Variants in SPTLC1 observed in about 807,000 individuals in gnomAD.
The protein encoded by SPTLC1 is serine palmitoyltransferase 1.
SPTLC1 carries 55 observed loss-of-function variants against 68.9 expected under a neutral mutation model. The observed-to-expected ratio is 0.80, with a 90% CI of 0.64 to 1.00. The LOEUF is 1.00. Among genes scored for constraint, SPTLC1 ranks in the 50% least tolerant of loss-of-function variants. The pLI is 0.00. For missense variants in SPTLC1, 449 were observed against 573.1 expected, an observed-to-expected ratio of 0.78 and a Z score of 2.21; for synonymous variants, 197 against 201.6, an observed-to-expected ratio of 0.98 and a Z score of 0.19.
intron 14 of SPTLC1, 35 bp downstream of exon 14, chr9:92,034,775 G>A: frequency 1.3e-6 from 2 of 1,578,112 alleles, no homozygotes; most frequent in Non-Finnish European, 8.7e-7. Flanking sequence ...CAGAGTAGGG[G>A]AAAAAAATAA....
At chr9:92,078,140 T>C (rs1301070379) in intron 5 of SPTLC1, among the ~76,000 whole-genome samples, 3 of 152,106 alleles carry the variant, frequency 2.0e-5, no homozygotes, top group Non-Finnish European at 4.4e-5. Context: ...ACAACTTCTT[T>C]ACTTCCTAGA....
intron 3 of SPTLC1, among the ~76,000 whole-genome samples, chr9:92,085,826 A>C (rs1487969964): frequency 6.6e-6 from 1 of 151,652 alleles, no homozygotes; most frequent in South Asian, 2.1e-4. Flanking sequence ...TGATCTGTCT[A>C]ATGTTGACAG....
intron 7 of SPTLC1, among the ~76,000 whole-genome samples, chr9:92,057,036 CAATT>C (rs750865388): frequency 8.5e-5 from 13 of 152,180 alleles, no homozygotes; most frequent in Non-Finnish European, 1.5e-4. Context: ...GTACAAAAAA[CAATT>C]AAATAAATCA....
chr9:92,092,427 C>A (rs1835394381), intron 3 of SPTLC1, among the ~76,000 whole-genome samples: 2 of 152,076 alleles, frequency 1.3e-5, no homozygotes. Flanking sequence ...GAATAACACA[C>A]ATTAGAAGTA....
intron 3 of SPTLC1, among the ~76,000 whole-genome samples, chr9:92,103,757 C>A (rs568581930): frequency 6.6e-6 from 1 of 152,334 alleles, no homozygotes; most frequent in South Asian, 2.1e-4. Flanking sequence ...GGGAGCCTGG[C>A]AGGATCTGGC....
In SPTLC1 at chr9:92,032,531, T is replaced by G. The variant is rs1833000345; in HGVS notation, c.1356A>C (p.Gln452His). The change falls in exon 15 of 15, where the codon CAA (glutamine) becomes CAC (histidine). Residue 452 changes from glutamine (Q) to histidine (H), a missense_variant. Transcript: ENST00000262554. ...PSIRVVVTVE[Q>H]TEEELERAAS... The stretch of plus-strand genomic sequence containing the variant: ...CAGCTCTCTCCAGTTCTTCCTCTGT[T>G]TGTTCCACCGTGACCACAACCCGAA... The G allele has an allele frequency of 6.2e-7, 1 of 1,614,016 alleles. No homozygotes were observed. The highest frequency in any genetic ancestry group is 1.1e-5 in the South Asian group (1 of 91,084).
At chr9:92,076,792 A>G (rs1834697219) in intron 5 of SPTLC1, 1 of 152,176 alleles carries the variant, frequency 6.6e-6, no homozygotes, top group Admixed American at 6.6e-5. Context: ...CTGGAAACTC[A>G]AATACCTCCT....
chr9:92,109,095 C>T (rs1223774616), intron 2 of SPTLC1: 3 of 359,370 alleles, frequency 8.3e-6, no homozygotes, highest in Non-Finnish European at 1.1e-5. Flanking sequence ...CTCCTAATAA[C>T]ATCTGGCCTA....
rs189702324 is a variant in SPTLC1, at chr9:92,044,585, G to A, written c.1136+1414C>T. On this transcript the variant is annotated intron_variant, in intron 12 of 14. Coordinates refer to ENST00000262554, the MANE Select transcript of SPTLC1 (RefSeq NM_006415.4). ...GACATGGGGAGTTGCAGAGGGAAAC[G>A]TCAGGTGACAGGCAAGAGGAATTTA... is the stretch of plus-strand genomic sequence containing the variant. Among the ~76,000 whole-genome samples, 5 of 152,282 alleles carry A rather than the reference G, an allele frequency of 3.3e-5. No homozygotes were observed. In the East Asian group the frequency reaches 7.7e-4, roughly 24 times the overall value.
intron 2 of SPTLC1, chr9:92,111,691 T>A (rs920869912): frequency 7.2e-5 from 11 of 152,222 alleles, no homozygotes; most frequent in African/African-American, 2.7e-4. Flanking sequence ...CACTTATCAC[T>A]CATTCCTCCG....
intron 5 of SPTLC1, among the ~76,000 whole-genome samples, chr9:92,072,386 G>T (rs865830887): frequency 6.6e-6 from 1 of 152,062 alleles, no homozygotes; most frequent in Non-Finnish European, 1.5e-5. Context: ...CGTTGGTCAC[G>T]GACTCTTCTT....
intron 3 of SPTLC1, among the ~76,000 whole-genome samples, chr9:92,106,118 GC>G (rs1835972585): frequency 6.6e-6 from 1 of 152,040 alleles, no homozygotes; most frequent in Non-Finnish European, 1.5e-5. Flanking sequence ...CCTCTGCCCG[GC>G]CCCCTCACCA....
chr9:92,113,051 G>A (rs925956961), intron 1 of SPTLC1, among the ~76,000 whole-genome samples: 3 of 151,148 alleles, frequency 2.0e-5, no homozygotes, highest in African/African-American at 7.3e-5. Flanking sequence ...AGGTTGTGGT[G>A]AGCCGAGATC....
At chr9:92,033,724 T>G (rs1281020674) in intron 14 of SPTLC1, among the ~76,000 whole-genome samples, 1 of 152,088 alleles carries the variant, frequency 6.6e-6, no homozygotes, top group Non-Finnish European at 1.5e-5. Context: ...CCTGGCTAAT[T>G]TTTACAGAGA....
chr9:92,068,364 A>G (rs78935651), intron 5 of SPTLC1, among the ~76,000 whole-genome samples: 1,738 of 152,368 alleles, frequency 0.011, 39 homozygotes, highest in African/African-American at 0.04. Flanking sequence ...TTATGCTTTG[A>G]TATCACTCTA....
intron 9 of SPTLC1, 148 bp downstream of exon 9, chr9:92,049,812 G>A: frequency 1.4e-6 from 1 of 697,496 alleles, no homozygotes; most frequent in Non-Finnish European, 2.7e-6. Context: ...ACTCATCCTG[G>A]GCTCACTGAG....
At chr9:92,046,955 T>TTGGCTC (rs897182395) in intron 11 of SPTLC1, among the ~76,000 whole-genome samples, 3 of 152,190 alleles carry the variant, frequency 2.0e-5, no homozygotes, top group Non-Finnish European at 2.9e-5. Context: ...TAGCCTTGCT[T>TTGGCTC]TGGCTCTGGC....
intron 8 of SPTLC1, among the ~76,000 whole-genome samples, chr9:92,054,495 T>A (rs916503797): frequency 6.6e-6 from 1 of 152,196 alleles, no homozygotes; most frequent in African/African-American, 2.4e-5. Context: ...ATATTCCGTA[T>A]CTTGACTGTG....
chr9:92,047,382 G>A (rs1833553342), intron 10 of SPTLC1, 114 bp from the exon 11 acceptor site: 2 of 899,986 alleles, frequency 2.2e-6, no homozygotes, highest in Non-Finnish European at 3.6e-6. Flanking sequence ...GTGGTGAGGG[G>A]GGTAAGATCC....
Sources: allele counts gnomAD v4.1 joint callset (sites outside exome capture counted in the v4.1 genomes callset), GRCh38; gene constraint gnomAD v4.1.1; transcripts MANE v1.5; gene names NCBI Gene and HGNC (gene_info 2026-07-23, HGNC 2026-07-21).